PTCHD4: variants seen among roughly 807,000 people sequenced by gnomAD.
PTCHD4 encodes the protein patched domain-containing protein 4.
Under a neutral mutation model 58.1 loss-of-function variants are expected in PTCHD4, and 33 were observed. The observed-to-expected ratio is 0.57, with a 90% CI of 0.43 to 0.76. The LOEUF (loss-of-function observed/expected upper bound fraction) is 0.76, where lower values mean the gene tolerates loss of function less well. Ranked by LOEUF, PTCHD4 falls within the 30% of genes least tolerant of loss-of-function variation. The pLI, the probability that PTCHD4 is intolerant of heterozygous loss-of-function variation, is 0.00. For synonymous variants in PTCHD4, 478 were observed against 409.6 expected (o/e 1.17, Z -2.02); for missense variants, 1,058 against 1,027.1 (o/e 1.03, Z -0.41).
At chr6:47,973,324 T>G (rs1767582435) in intron 4 of PTCHD4, among the ~76,000 whole-genome samples, 1 of 152,192 alleles carries the variant, frequency 6.6e-6, no homozygotes, top group Admixed American at 6.5e-5. Context: ...TTGAAAACAT[T>G]CAAACAAGTA....
At chr6:47,973,234 A>G (rs1581956676) in intron 4 of PTCHD4, among the ~76,000 whole-genome samples, 1 of 152,186 alleles carries the variant, frequency 6.6e-6, no homozygotes, top group Non-Finnish European at 1.5e-5. Context: ...TATGTGTTTC[A>G]TTATTTAATT....
chr6:47,929,691 C>T (rs1193521826), intron 4 of PTCHD4, among the ~76,000 whole-genome samples: 1 of 152,194 alleles, frequency 6.6e-6, no homozygotes, highest in African/African-American at 2.4e-5. Flanking sequence ...GAGAAGCAGG[C>T]TCTTAAATGC....
intron 4 of PTCHD4, chr6:47,899,478 G>T: frequency 1.9e-6 from 1 of 521,462 alleles, no homozygotes; most frequent in African/African-American, 2.1e-5. Flanking sequence ...AGATTCTTGA[G>T]TTTGAATTCA....
intron 4 of PTCHD4, among the ~76,000 whole-genome samples, chr6:47,972,810 A>G (rs1487498565): frequency 6.6e-6 from 1 of 151,814 alleles, no homozygotes; most frequent in Non-Finnish European, 1.5e-5. Context: ...TATTTTTTAC[A>G]CTTGTCTTTT....
intron 4 of PTCHD4, among the ~76,000 whole-genome samples, chr6:47,959,107 T>C (rs573655729): frequency 2.0e-5 from 3 of 152,288 alleles, no homozygotes; most frequent in South Asian, 4.1e-4. Flanking sequence ...ATCCATAATA[T>C]TGAGCAAAAT....
chr6:48,006,733 G>T (rs964898180), intron 4 of PTCHD4, among the ~76,000 whole-genome samples: 4 of 152,220 alleles, frequency 2.6e-5, no homozygotes, highest in South Asian at 2.1e-4. Context: ...ATCCAGGAAG[G>T]CTCAATTTCC....
At chr6:48,092,348 T>C (rs866793476) in intron 1 of PTCHD4, among the ~76,000 whole-genome samples, 3 of 152,174 alleles carry the variant, frequency 2.0e-5, no homozygotes, top group African/African-American at 7.2e-5. Flanking sequence ...AATACTAAAC[T>C]ATCTATTTTT....
intron 4 of PTCHD4, among the ~76,000 whole-genome samples, chr6:47,928,836 A>G (rs1405119120): frequency 1.3e-5 from 2 of 152,138 alleles, no homozygotes; most frequent in Non-Finnish European, 2.9e-5. Context: ...TGTGTTTTTA[A>G]TGTTGAATGA....
At chr6:47,998,569 T>C (rs1036205851) in intron 4 of PTCHD4, among the ~76,000 whole-genome samples, 1 of 152,178 alleles carries the variant, frequency 6.6e-6, no homozygotes, top group Admixed American at 6.5e-5. Context: ...CAGTAAAAAG[T>C]GCAAGAGACG....
intron 1 of PTCHD4, among the ~76,000 whole-genome samples, chr6:48,075,221 T>C (rs1267065350): frequency 6.6e-6 from 1 of 152,202 alleles, no homozygotes; most frequent in Non-Finnish European, 1.5e-5. Context: ...TGTTGTTGCA[T>C]GTTGTTTGCT....
chr6:47,909,305 A>G (rs1470926517), intron 4 of PTCHD4, among the ~76,000 whole-genome samples: 2 of 152,148 alleles, frequency 1.3e-5, no homozygotes, highest in Non-Finnish European at 2.9e-5. Flanking sequence ...TCTTTTCTTC[A>G]TATGATATGA....
At chr6:48,107,869 A>C (rs999814908) in intron 1 of PTCHD4, among the ~76,000 whole-genome samples, 8 of 152,268 alleles carry the variant, frequency 5.3e-5, no homozygotes, top group Non-Finnish European at 1.0e-4. Context: ...ATCACTGGCC[A>C]TCAGAGAAAT....
At chr6:47,891,720 C>T (rs765689389) in intron 4 of PTCHD4, among the ~76,000 whole-genome samples, 6 of 152,050 alleles carry the variant, frequency 3.9e-5, no homozygotes, top group Admixed American at 2.0e-4. Flanking sequence ...CATTTTAATA[C>T]CTTCTTCCTA....
intron 3 of PTCHD4, among the ~76,000 whole-genome samples, chr6:48,053,833 G>A (rs1764316924): frequency 6.6e-6 from 1 of 152,082 alleles, no homozygotes; most frequent in Non-Finnish European, 1.5e-5. Context: ...GAGCTCCCAT[G>A]GGGGCAACTT....
chr6:47,976,837 A>T (rs889472207), intron 4 of PTCHD4, among the ~76,000 whole-genome samples: 2 of 152,126 alleles, frequency 1.3e-5, no homozygotes, highest in African/African-American at 2.4e-5. Flanking sequence ...ATAAGAATAT[A>T]TAAATTTAAA....
chr6:48,107,763 A>C lies in PTCHD4; in HGVS notation c.-970+3286T>G, dbSNP rs550463717. ...TCAAACAAATTTATAAGAAAAAAAC[A>C]AACAACCCCGTCAAAAAGTGGGCAA... is the stretch of plus-strand genomic sequence containing the variant. On this transcript the variant is annotated intron_variant, in intron 1 of 4. Coordinates refer to ENST00000339488, the MANE Select transcript of PTCHD4 (RefSeq NM_001384253.1). 1.6e-4 allele frequency among the ~76,000 whole-genome samples: 24 copies of C among 152,342 alleles called. No homozygotes were observed. In the East Asian group the frequency reaches 4.4e-3, roughly 28 times the overall value.
At chr6:48,080,687 G>A (rs1351775524) in intron 1 of PTCHD4, among the ~76,000 whole-genome samples, 1 of 152,182 alleles carries the variant, frequency 6.6e-6, no homozygotes, top group African/African-American at 2.4e-5. Context: ...GAGAACTACG[G>A]AAGATAAAAG....
At chr6:48,021,917 C>T (rs563978732) in intron 3 of PTCHD4, among the ~76,000 whole-genome samples, 9 of 151,990 alleles carry the variant, frequency 5.9e-5, no homozygotes, top group Non-Finnish European at 1.3e-4. Context: ...AAGGTGGTAC[C>T]TTTCTGAAGC....
chr6:47,868,141 C>T lies in PTCHD4; in HGVS notation c.*10162G>A, dbSNP rs186575659. Among the ~76,000 whole-genome samples, 2 of 151,768 alleles carry T rather than the reference C, an allele frequency of 1.3e-5. No homozygotes were observed. The highest frequency in any genetic ancestry group is 6.6e-5 in the Admixed American group (1 of 15,186). ...AAAGGTTTCAGTTCAGTTGTTTAGT[C>T]CCTTCTTCAACAGTTTTAGATCCGT... On this transcript the variant is annotated 3_prime_UTR_variant, in exon 5 of 5. Coordinates refer to ENST00000339488, the MANE Select transcript of PTCHD4 (RefSeq NM_001384253.1).
Sources: gnomAD v4.1 joint callset for allele counts (sites outside exome capture counted in the v4.1 genomes callset) on GRCh38, gnomAD v4.1.1 for gene constraint, MANE v1.5 for transcripts, NCBI Gene and HGNC (gene_info 2026-07-23, HGNC 2026-07-21) for gene names.